WDR3: variants seen among roughly 807,000 people sequenced by gnomAD.
The protein encoded by WDR3 is WD repeat domain 3.
Under a neutral mutation model 123.7 loss-of-function variants are expected in WDR3, and 81 were observed. That is an observed-to-expected ratio of 0.65 (90% confidence interval 0.55 to 0.79). The LOEUF is 0.79. Ranked by LOEUF, WDR3 falls within the 30% of genes least tolerant of loss-of-function variation. WDR3 has a pLI of 0.00. For synonymous variants in WDR3, 390 were observed against 388.8 expected (o/e 1.00, Z -0.04); for missense variants, 1,027 against 1,123.2 (o/e 0.91, Z 1.22).
At position 117,939,576 on chromosome 1, in the gene WDR3, A is replaced by G. The variant is rs1651069599; in HGVS notation, c.675+4A>G. The G allele has an allele frequency of 1.2e-6, 2 of 1,613,248 alleles. No individual in the cohort carries two copies. Among genetic ancestry groups the G allele is most frequent in the Non-Finnish European group, 1.7e-6 (2 of 1,179,298 alleles). On this transcript the variant is annotated splice_donor_region_variant and intron_variant, in intron 6 of 26. Transcript: ENST00000349139. ...GGACATAGCTTATCTGCAAGAGGTA[A>G]TTACTTCTTAAAATCATGGGCAATA...
chr1:117,952,043 A>T lies in WDR3; in HGVS notation c.1871A>T (p.Asp624Val). ...NVKIWGLDFG[D>V]CHKSLFAHDD... ...AAAATCTGGGGTTTGGACTTTGGGG[A>T]CTGCCACAAGTCTCTCTTTGCACAT... Residue 624 changes from aspartate to valine, a missense_variant, in exon 17 of 27, where the codon GAC (aspartate) becomes GTC (valine). Asp to Val is a radical substitution (Grantham distance 152). Transcript: ENST00000349139. 1 of 1,613,406 alleles carries T rather than the reference A, an allele frequency of 6.2e-7. No individual in the cohort carries two copies. The highest frequency in any genetic ancestry group is 8.5e-7 in the Non-Finnish European group (1 of 1,179,462).
chr1:117,954,193 A>T (rs1651827735), intron 22 of WDR3, 94 bp downstream of exon 22: 1 of 1,006,700 alleles, frequency 9.9e-7, no homozygotes, highest in Non-Finnish European at 1.5e-6. Flanking sequence ...AGATCAGGAT[A>T]TGCAATAAAT....
Position 117,938,523 on chromosome 1 carries a change from C to A in WDR3, c.544C>A (p.His182Asn), listed in dbSNP as rs1182159402. The A allele has an allele frequency of 1.2e-6, 2 of 1,613,234 alleles. No individual in the cohort carries two copies. The highest frequency in any genetic ancestry group is 2.7e-5 in the African/African-American group (2 of 74,882). ...GAAATGGTGGGACCTTGATACTCAG[C>A]ACTGCTTTAAAACAATGGTTGGCCA... ...MVKWWDLDTQ[H>N]CFKTMVGHRT... The change falls in exon 5 of 27, where the codon CAC becomes AAC. Residue 182 changes from histidine to asparagine, a missense_variant. By Grantham distance (68) the His-to-Asn change is moderately conservative. Coordinates refer to ENST00000349139, the MANE Select transcript of WDR3 (RefSeq NM_006784.3).
Position 117,951,844 on chromosome 1 carries a change from G to A in WDR3, c.1804-132G>A, listed in dbSNP as rs548904378. On this transcript the variant is annotated intron_variant, in intron 16 of 26. Coordinates refer to ENST00000349139, the MANE Select transcript of WDR3 (RefSeq NM_006784.3). ...AAGAGCAAAGAATTCAGTGTTTTTA[G>A]TAGAGATGAAAATCAGTTTTTTGGC... The A allele has an allele frequency of 8.0e-5, 63 of 791,986 alleles. 1 individual carries two copies. Among genetic ancestry groups the A allele is most frequent in the Middle Eastern group, 3.1e-4 (1 of 3,208 alleles). The allele number at this position is 791,986 out of a possible 1,614,324, so 49.1% of individuals were successfully genotyped here. A position where few individuals can be genotyped will look rare whatever the true frequency, so the allele number is the denominator to read the frequency against.
chr1:117,948,311 C>A, intron 12 of WDR3, 94 bp from the exon 13 acceptor site: 1 of 1,023,438 alleles, frequency 9.8e-7, no homozygotes, highest in South Asian at 1.5e-5. Flanking sequence ...ATTTTTGCAG[C>A]TTGGTTATGA....
rs1423565183 is a variant in WDR3 at position 117,951,998 on chromosome 1, G to T, written c.1826G>T (p.Gly609Val). Residue 609 changes from glycine to valine, a missense_variant, in exon 17 of 27, where the codon GGC (glycine) becomes GTC (valine). Physicochemically the swap from Gly to Val is moderately radical, Grantham distance 109. Transcript: ENST00000349139. ...ISHDGALIAT[G>V]SADRNVKIWG... ...TAGGATGGAGCACTCATAGCAACTG[G>T]CTCCGCTGATAGGAATGTGAAAATC... 1.9e-6 allele frequency: 3 copies of T among 1,613,116 alleles called. No homozygotes were observed. Among genetic ancestry groups the T allele is most frequent in the Non-Finnish European group, 2.5e-6 (3 of 1,179,368 alleles).
chr1:117,955,217 A>T, intron 23 of WDR3, 98 bp from the exon 24 acceptor site: 1 of 997,076 alleles, frequency 1.0e-6, no homozygotes, highest in Non-Finnish European at 1.5e-6. Context: ...TTCTGAAGTA[A>T]GAAGGAGGGG....
At chr1:117,955,468 TTAAC>T in intron 24 of WDR3, 110 bp downstream of exon 24, 3 of 1,004,096 alleles carry the variant, frequency 3.0e-6, no homozygotes, top group Non-Finnish European at 4.4e-6. Flanking sequence ...TCTTATAGGT[TTAAC>T]TATATCAAAG....
In WDR3 at chr1:117,959,664, A is replaced by C. The variant is rs1652763039; in HGVS notation, c.*217A>C. ...GGACTTAAAATGCATTATTAGTTTA[A>C]AAATCTTTCTGTGCTCTCAAAGCTT... On this transcript the variant is annotated 3_prime_UTR_variant, in exon 27 of 27. Coordinates refer to ENST00000349139, the MANE Select transcript of WDR3 (RefSeq NM_006784.3). The C allele has an allele frequency of 2.5e-6, 1 of 403,304 alleles. No individual in the cohort carries two copies. The highest frequency in any genetic ancestry group is 4.3e-6 in the Non-Finnish European group (1 of 233,830). 25.0% of individuals were successfully genotyped at this position (403,304 alleles called of 1,614,324 possible).
chr1:117,940,574 A>T (rs1336612590), intron 6 of WDR3, among the ~76,000 whole-genome samples: 1 of 152,094 alleles, frequency 6.6e-6, no homozygotes, highest in Non-Finnish European at 1.5e-5. Flanking sequence ...CAAAAAATTT[A>T]AAAATTAGTC....
At chr1:117,943,712 C>A in intron 11 of WDR3, 86 bp downstream of exon 11, 2 of 1,129,756 alleles carry the variant, frequency 1.8e-6, no homozygotes, top group Non-Finnish European at 2.5e-6. Context: ...GTTATTAACT[C>A]CTTAAGGCCC....
intron 1 of WDR3, among the ~76,000 whole-genome samples, chr1:117,930,654 C>G (rs1280428027): frequency 2.6e-5 from 4 of 152,120 alleles, no homozygotes; most frequent in African/African-American, 9.7e-5. Context: ...GGTGGAAAAT[C>G]AGTGCAGTAA....
chr1:117,934,685 G>A lies in WDR3; in HGVS notation c.381+3G>A, dbSNP rs201053758. The A allele has an allele frequency of 1.4e-4, 229 of 1,612,716 alleles. No individual in the cohort carries two copies. The highest frequency in any genetic ancestry group is 1.8e-4 in the Non-Finnish European group (214 of 1,179,824). On this transcript the variant is annotated splice_donor_region_variant and intron_variant, in intron 3 of 26. Transcript: ENST00000349139. ...GCAGACTGGCATCTGGGTCCAAGGT[G>A]AGCCTTTGAATCAGCCCAGGCTTTG...
Position 117,963,884 on chromosome 1 carries a change from T to C in WDR3, c.*4437T>C, listed in dbSNP as rs2101406730. The C allele has an allele frequency of 6.2e-7, 1 of 1,614,022 alleles. No individual in the cohort carries two copies. Among genetic ancestry groups the C allele is most frequent in the East Asian group, 2.2e-5 (1 of 44,872 alleles). On this transcript the variant is annotated 3_prime_UTR_variant, in exon 27 of 27. Coordinates refer to ENST00000349139, the MANE Select transcript of WDR3 (RefSeq NM_006784.3). ...AGTTCTCTGGACCATTGGATTTTCTTTTCCCTGGGGAAAGTCTTTTGGTCG... is the reference window on the plus strand; with the variant it reads ...AGTTCTCTGGACCATTGGATTTTCTCTTCCCTGGGGAAAGTCTTTTGGTCG...
chr1:117,957,173 C>A lies in WDR3; in HGVS notation c.2559C>A (p.Cys853Ter). Residue 853 changes from cysteine (C) to a stop codon, truncating the protein, a stop_gained, in exon 25 of 27, where the codon TGC (cysteine) becomes TGA (stop). Coordinates refer to ENST00000349139, the MANE Select transcript of WDR3 (RefSeq NM_006784.3). LOFTEE classifies it high-confidence loss of function. Reference sequence around the variant, plus strand: ...TGGGCTCTGATGTTGAACTTATATGCCGGTGCCTCTTCTTCCTCCTTAGGT... The same window carrying A: ...TGGGCTCTGATGTTGAACTTATATGACGGTGCCTCTTCTTCCTCCTTAGGT... ...IQLGSDVELI[C>*]RCLFFLLRIH... The A allele has an allele frequency of 6.2e-7, 1 of 1,611,608 alleles. No homozygotes were observed. Among genetic ancestry groups the A allele is most frequent in the African/African-American group, 1.3e-5 (1 of 74,848 alleles).
At chr1:117,950,949 T>C in intron 16 of WDR3, 59 bp downstream of exon 16, 1 of 1,404,418 alleles carries the variant, frequency 7.1e-7, no homozygotes, top group African/African-American at 1.4e-5. Flanking sequence ...AGATACTTTC[T>C]TAATTCTGGC....
chr1:117,942,874 C>T (rs903460564), intron 10 of WDR3, among the ~76,000 whole-genome samples: 4 of 149,160 alleles, frequency 2.7e-5, no homozygotes, highest in Admixed American at 1.3e-4. Flanking sequence ...GTATCAGAAC[C>T]AGGATCTGAG....
At position 117,934,601 on chromosome 1, in the gene WDR3, T is replaced by G; in HGVS notation, c.300T>G (p.Asn100Lys). 6.2e-7 allele frequency: 1 copy of G among 1,614,174 alleles called. No homozygotes were observed. Among genetic ancestry groups the G allele is most frequent in the Non-Finnish European group, 8.5e-7 (1 of 1,180,020 alleles). ...TCAGTCTCCTGAGTGGGGAAGGAAA[T>G]GTGACCTTCAATGGTCACAAAGCAG... ...RIFSLLSGEGNVTFNGHKAAI... is the reference protein window; with the variant it reads ...RIFSLLSGEGKVTFNGHKAAI... Residue 100 changes from asparagine (N) to lysine (K), a missense_variant, in exon 3 of 27, where the codon AAT (asparagine) becomes AAG (lysine). Coordinates refer to ENST00000349139, the MANE Select transcript of WDR3 (RefSeq NM_006784.3).
chr1:117,950,384 T>TA (rs1651566681), intron 15 of WDR3, among the ~76,000 whole-genome samples: 1 of 152,216 alleles, frequency 6.6e-6, no homozygotes, highest in Non-Finnish European at 1.5e-5. Flanking sequence ...AATTCTGTCA[T>TA]ACTAAGTAGT....
Sources: allele counts gnomAD v4.1 joint callset (sites outside exome capture counted in the v4.1 genomes callset), GRCh38; gene constraint gnomAD v4.1.1; transcripts MANE v1.5; gene names NCBI Gene and HGNC (gene_info 2026-07-23, HGNC 2026-07-21).